Variants in DCUN1D1 observed in about 807,000 individuals in gnomAD.
DCUN1D1 encodes defective in cullin neddylation 1 domain containing 1.
In DCUN1D1, 3 loss-of-function variants were observed where a neutral mutation model predicts 39.0. That is an observed-to-expected ratio of 0.08 (90% CI 0.04 to 0.20). The LOEUF (loss-of-function observed/expected upper bound fraction) is 0.20. DCUN1D1 is among the 10% of genes least tolerant of loss of function. The probability of loss-of-function intolerance (pLI) is 1.00; values close to 1 mark genes in which losing one functional copy is unlikely to be tolerated. For missense variants in DCUN1D1, 158 were observed against 302.4 expected (o/e 0.52, Z 3.54); for synonymous variants, 82 against 96.3 (o/e 0.85, Z 0.87).
At chr3:182,966,393 C>A (rs1171301012) in intron 1 of DCUN1D1, among the ~76,000 whole-genome samples, 1 of 152,120 alleles carries the variant, frequency 6.6e-6, no homozygotes, top group Non-Finnish European at 1.5e-5. Flanking sequence ...AACAAAATTT[C>A]CTCATATCCT....
chr3:182,965,813 C>T, intron 1 of DCUN1D1, 60 bp from the exon 2 acceptor site: 6 of 1,067,762 alleles, frequency 5.6e-6, no homozygotes, highest in Non-Finnish European at 8.4e-6. Flanking sequence ...CTAAATATTT[C>T]TATATGGCTA....
intron 4 of DCUN1D1, among the ~76,000 whole-genome samples, chr3:182,952,940 G>A (rs951811076): frequency 2.6e-5 from 4 of 152,148 alleles, no homozygotes; most frequent in Non-Finnish European, 1.5e-5. Context: ...GACCTTTCAG[G>A]CATGAATCTG....
chr3:182,958,106 G>C (rs1247118429), intron 4 of DCUN1D1, among the ~76,000 whole-genome samples: 1 of 151,736 alleles, frequency 6.6e-6, no homozygotes, highest in African/African-American at 2.4e-5. Context: ...GCCAAATCTT[G>C]TAATTTAAGA....
At position 182,944,475 on chromosome 3, in the gene DCUN1D1, T is replaced by C. The variant is rs143843351; in HGVS notation, c.*619A>G. The C allele has an allele frequency of 9.6e-4, 146 of 152,414 alleles. No homozygotes were observed. The highest frequency in any genetic ancestry group is 1.7e-3 in the Non-Finnish European group (115 of 68,020). The allele number at this position is 152,414 out of a possible 1,614,324, so 9.4% of individuals were successfully genotyped here. On this transcript the variant is annotated 3_prime_UTR_variant, in exon 7 of 7. Transcript: ENST00000292782. ...ATACATTTTTCAGGTAGGCACCAAG[T>C]TATCCTAAAAAATTTTCATGTCGGT...
At chr3:182,976,238 T>G (rs1446667845) in intron 1 of DCUN1D1, among the ~76,000 whole-genome samples, 1 of 151,982 alleles carries the variant, frequency 6.6e-6, no homozygotes, top group African/African-American at 2.4e-5. Flanking sequence ...TAAAAATAAT[T>G]ATCTGTAATA....
At chr3:182,977,008 G>A (rs1728270929) in intron 1 of DCUN1D1, among the ~76,000 whole-genome samples, 1 of 152,184 alleles carries the variant, frequency 6.6e-6, no homozygotes, top group African/African-American at 2.4e-5. Context: ...TAAAGCCATT[G>A]AAAACATAGG....
chr3:182,976,534 T>C (rs1489449707), intron 1 of DCUN1D1, among the ~76,000 whole-genome samples: 1 of 151,956 alleles, frequency 6.6e-6, no homozygotes, highest in Non-Finnish European at 1.5e-5. Flanking sequence ...TTTCTACATT[T>C]CTGCATGGCT....
At chr3:182,981,133 C>T (rs1176223729), upstream of DCUN1D1, among the ~76,000 whole-genome samples, 1 of 152,050 alleles carries the variant, frequency 6.6e-6, no homozygotes, top group Non-Finnish European at 1.5e-5. Context: ...CCTGCGGTGG[C>T]TGTCACTCCA....
chr3:182,976,881 A>G (rs1048069300), intron 1 of DCUN1D1, among the ~76,000 whole-genome samples: 1 of 152,192 alleles, frequency 6.6e-6, no homozygotes, highest in African/African-American at 2.4e-5. Flanking sequence ...GTAGACATGC[A>G]AAGAATGTGC....
chr3:182,955,895 T>C (rs542419413), intron 4 of DCUN1D1: 1 of 171,372 alleles, frequency 5.8e-6, no homozygotes, highest in African/African-American at 2.4e-5. Flanking sequence ...CATGGTTTTG[T>C]GTTACTTTTC....
upstream of DCUN1D1, among the ~76,000 whole-genome samples, chr3:182,984,886 G>T (rs1728677128): frequency 6.6e-6 from 1 of 152,150 alleles, no homozygotes; most frequent in Non-Finnish European, 1.5e-5. Context: ...AATTAAGCCT[G>T]CAGGGTAAAC....
chr3:182,957,345 G>A (rs180973169), intron 4 of DCUN1D1, among the ~76,000 whole-genome samples: 4 of 152,332 alleles, frequency 2.6e-5, no homozygotes, highest in Admixed American at 2.0e-4. Flanking sequence ...GAAAATGGCA[G>A]GCTGGGTGTG....
chr3:182,960,703 C>T (rs187619691), intron 4 of DCUN1D1, among the ~76,000 whole-genome samples: 1 of 152,158 alleles, frequency 6.6e-6, no homozygotes, highest in Non-Finnish European at 1.5e-5. Flanking sequence ...ATCCCAAAAG[C>T]AAATGTACAA....
chr3:182,985,821 C>T (rs1203055311), exon 1 of DCUN1D1: 1 of 152,092 alleles, frequency 6.6e-6, no homozygotes, highest in East Asian at 1.9e-4. Context: ...GAATATTCAC[C>T]AGAGCCAGTC....
At chr3:182,961,607 A>G (rs146767924) in intron 3 of DCUN1D1, among the ~76,000 whole-genome samples, 5 of 152,216 alleles carry the variant, frequency 3.3e-5, no homozygotes, top group Non-Finnish European at 7.4e-5. Context: ...TTTTAATTAC[A>G]TAATTCACTA....
intron 4 of DCUN1D1, 69 bp from the exon 5 acceptor site, chr3:182,947,701 A>C: frequency 1.1e-6 from 1 of 912,642 alleles, no homozygotes; most frequent in Non-Finnish European, 1.7e-6. Flanking sequence ...ATAACAAACA[A>C]ACAAAAAAAC....
chr3:182,980,142 G>T, intron 1 of DCUN1D1: 1 of 863,238 alleles, frequency 1.2e-6, no homozygotes, highest in Non-Finnish European at 1.4e-6. Context: ...GGGCAAGGCC[G>T]TTGCCCCCTC....
intron 1 of DCUN1D1, among the ~76,000 whole-genome samples, chr3:182,966,052 G>A (rs1727651063): frequency 6.6e-6 from 1 of 152,064 alleles, no homozygotes; most frequent in Non-Finnish European, 1.5e-5. Context: ...CAGAAGGGAA[G>A]CCGCGCTACC....
At chr3:182,975,102 G>C (rs1455966533) in intron 1 of DCUN1D1, among the ~76,000 whole-genome samples, 1 of 151,280 alleles carries the variant, frequency 6.6e-6, no homozygotes, top group Non-Finnish European at 1.5e-5. Flanking sequence ...CAATCTATAA[G>C]AGCACAATCA....
Sources: gnomAD v4.1 joint callset for allele counts (sites outside exome capture counted in the v4.1 genomes callset) on GRCh38, gnomAD v4.1.1 for gene constraint, MANE v1.5 for transcripts, NCBI Gene and HGNC (gene_info 2026-07-23, HGNC 2026-07-21) for gene names.